Variants in BMX observed in about 807,000 individuals in gnomAD.
BMX encodes the protein BMX non-receptor tyrosine kinase, also known as cytoplasmic tyrosine-protein kinase BMX.
Under a neutral mutation model 59.2 loss-of-function variants are expected in BMX, and 31 were observed. The ratio of observed to expected loss-of-function variants is 0.52; its 90% CI spans 0.39 to 0.71. BMX has a LOEUF of 0.71. BMX is among the 30% of genes least tolerant of loss of function. BMX has a pLI of 0.00. For missense variants in BMX, 474 were observed against 491.7 expected, an observed-to-expected ratio of 0.96 and a Z score of 0.34; for synonymous variants, 185 against 181.0, an observed-to-expected ratio of 1.02 and a Z score of -0.18.
chrX:15,502,198 A>G (rs1923593416), intron 1 of BMX, among the ~76,000 whole-genome samples: 1 of 111,654 alleles, frequency 9.0e-6, no homozygotes, highest in South Asian at 3.8e-4. Context: ...GACAGATTCC[A>G]TAGAGACAGA....
intron 9 of BMX, among the ~76,000 whole-genome samples, chrX:15,527,291 C>T (rs1924834860): frequency 1.2e-5 from 1 of 80,408 alleles, no homozygotes; most frequent in Admixed American, 1.4e-4. Flanking sequence ...TATACACACA[C>T]ACACACACAC....
At chrX:15,531,035 G>A (rs780360933) in intron 10 of BMX, among the ~76,000 whole-genome samples, 6 of 110,687 alleles carry the variant, frequency 5.4e-5, no homozygotes, top group Non-Finnish European at 9.5e-5. Flanking sequence ...GGCATGATAC[G>A]GTGATACACG....
intron 14 of BMX, among the ~76,000 whole-genome samples, chrX:15,538,155 CT>C (rs990765151): frequency 4.6e-5 from 5 of 108,814 alleles, no homozygotes; most frequent in East Asian, 2.9e-4. Flanking sequence ...TCTCTTCCCC[CT>C]CTCTCTCTTT....
chrX:15,535,924 A>G (rs1033748912), intron 12 of BMX, among the ~76,000 whole-genome samples: 2 of 112,250 alleles, frequency 1.8e-5, no homozygotes, highest in Middle Eastern at 4.2e-3. Flanking sequence ...TGGCTTGACC[A>G]CTTAATGAAA....
intron 14 of BMX, among the ~76,000 whole-genome samples, chrX:15,537,927 G>A (rs1253377037): frequency 9.0e-6 from 1 of 110,633 alleles, no homozygotes; most frequent in Non-Finnish European, 1.9e-5. Flanking sequence ...CTTGCCCTGT[G>A]GGGAGGTGCA....
intron 6 of BMX, among the ~76,000 whole-genome samples, chrX:15,521,991 A>G (rs771462702): frequency 1.6e-4 from 18 of 111,453 alleles, no homozygotes; most frequent in Non-Finnish European, 3.0e-4. Context: ...TCTGCTATGA[A>G]CATTCTTTTA....
At chrX:15,539,001 A>G (rs1033538336) in intron 14 of BMX, among the ~76,000 whole-genome samples, 5 of 111,323 alleles carry the variant, frequency 4.5e-5, no homozygotes, top group African/African-American at 1.6e-4. Context: ...TTGAAGTAAT[A>G]CTTCGTGATT....
At chrX:15,504,054 G>T (rs1049451644) in intron 1 of BMX, among the ~76,000 whole-genome samples, 1 of 111,544 alleles carries the variant, frequency 9.0e-6, no homozygotes, top group Admixed American at 9.5e-5. Context: ...GCATTGGCTA[G>T]GATCATTATC....
chrX:15,510,224 C>T (rs1923900725), intron 3 of BMX, among the ~76,000 whole-genome samples: 1 of 111,527 alleles, frequency 9.0e-6, no homozygotes, highest in Non-Finnish European at 1.9e-5. Flanking sequence ...AAGTCATGCC[C>T]TACTTTTCTT....
chrX:15,534,406 G>C, intron 12 of BMX, 67 bp downstream of exon 12: 2 of 982,793 alleles, frequency 2.0e-6, no homozygotes, highest in Non-Finnish European at 1.3e-6. Flanking sequence ...GGATACTACT[G>C]ATCCTCCTAA....
chrX:15,521,073 T>C (rs1924427521), intron 6 of BMX, among the ~76,000 whole-genome samples: 1 of 111,636 alleles, frequency 9.0e-6, no homozygotes. Context: ...AAATATAACA[T>C]TAACATAGAA....
At chrX:15,501,812 T>A (rs1923579430) in intron 1 of BMX, among the ~76,000 whole-genome samples, 1 of 111,664 alleles carries the variant, frequency 9.0e-6, no homozygotes, top group Non-Finnish European at 1.9e-5. Context: ...TTATGGTAAC[T>A]CGTCTCAGGA....
At chrX:15,531,045 G>A (rs942054669) in intron 10 of BMX, among the ~76,000 whole-genome samples, 1 of 110,723 alleles carries the variant, frequency 9.0e-6, no homozygotes, top group Non-Finnish European at 1.9e-5. Flanking sequence ...GGTGATACAC[G>A]GTTCTAAATT....
At chrX:15,503,632 A>C (rs1163683184) in intron 1 of BMX, among the ~76,000 whole-genome samples, 1 of 111,852 alleles carries the variant, frequency 8.9e-6, no homozygotes, top group Non-Finnish European at 1.9e-5. Context: ...GGTTTCTTAT[A>C]AGATTTGACA....
rs1173504581 is a variant in BMX at position 15,556,144 on chromosome X, T to A, written c.2025T>A (p.His675Gln). Residue 675 changes from histidine (H) to glutamine (Q), a missense_variant, in exon 19 of 19, where the codon CAT (histidine) becomes CAA (glutamine). Transcript: ENST00000348343. The stretch of plus-strand genomic sequence containing the variant: ...AACCACTTCGGGAAAAAGACAAGCA[T>A]TGAAGAAGAAATTAGGAGTGCTGAT... ...SIEPLREKDK[H>Q] 1 of 1,203,998 alleles carries A rather than the reference T, an allele frequency of 8.3e-7. No homozygotes were observed. Among genetic ancestry groups the A allele is most frequent in the Admixed American group, 2.2e-5 (1 of 45,177 alleles).
Position 15,511,563 on chromosome X carries a change from C to T in BMX, c.325+45C>T, listed in dbSNP as rs56231264. 0.021 allele frequency: 22,861 copies of T among 1,094,884 alleles called. 2,141 individuals are homozygous for T. In the African/African-American group the frequency reaches 0.31, roughly 15 times the overall value. 90.2% of individuals were successfully genotyped at this position (1,094,884 alleles called of 1,213,427 possible). A position where few individuals can be genotyped will look rare whatever the true frequency, so the allele number is the denominator to read the frequency against. ...GTTGAAAGAGAAAGGTCAAAAAAAG[C>T]CATAAAAGAGAGTCGTTTTTTGAGG... is the stretch of plus-strand genomic sequence containing the variant. On this transcript the variant is annotated intron_variant, in intron 4 of 18. Transcript: ENST00000348343.
At chrX:15,550,058 A>T in intron 18 of BMX, 61 bp downstream of exon 18, 1 of 1,138,980 alleles carries the variant, frequency 8.8e-7, no homozygotes, top group Non-Finnish European at 1.2e-6. Context: ...TGATTACTGC[A>T]TCACCACTGG....
intron 17 of BMX, among the ~76,000 whole-genome samples, chrX:15,549,590 A>G (rs1188018834): frequency 9.0e-6 from 1 of 111,382 alleles, no homozygotes; most frequent in Non-Finnish European, 1.9e-5. Context: ...CTTGCCATTC[A>G]CCCACTTTCC....
chrX:15,526,186 C>G, intron 9 of BMX, 91 bp downstream of exon 9: 1 of 821,738 alleles, frequency 1.2e-6, no homozygotes. Flanking sequence ...ATGGCTGAGA[C>G]CGTCTCAGGA....
Sources: gnomAD v4.1 joint callset for allele counts (sites outside exome capture counted in the v4.1 genomes callset) on GRCh38, gnomAD v4.1.1 for gene constraint, MANE v1.5 for transcripts, NCBI Gene and HGNC (gene_info 2026-07-23, HGNC 2026-07-21) for gene names.